PREX1: variants seen among roughly 807,000 people sequenced by gnomAD.
The protein encoded by PREX1 is phosphatidylinositol-3,4,5-trisphosphate dependent Rac exchange factor 1, also known as phosphatidylinositol 3,4,5-trisphosphate-dependent Rac exchanger 1 protein.
Under a neutral mutation model 198.3 loss-of-function variants are expected in PREX1, and 41 were observed. The ratio of observed to expected loss-of-function variants is 0.21; its 90% CI spans 0.16 to 0.27. The LOEUF (loss-of-function observed/expected upper bound fraction) is 0.27. PREX1 is among the 10% of genes least tolerant of loss of function. The pLI, the probability that PREX1 is intolerant of heterozygous loss-of-function variation, is 1.00. For missense variants in PREX1, 1,620 were observed against 2,200.7 expected, an observed-to-expected ratio of 0.74 and a Z score of 5.28; for synonymous variants, 843 against 887.2, an observed-to-expected ratio of 0.95 and a Z score of 0.89.
At chr20:48,767,179 G>A (rs574911363) in intron 1 of PREX1, among the ~76,000 whole-genome samples, 26 of 152,318 alleles carry the variant, frequency 1.7e-4, no homozygotes, top group African/African-American at 5.8e-4. Flanking sequence ...CTGGGGCTAT[G>A]AGGTCAGGCC....
chr20:48,649,178 C>G (rs1433489780), intron 25 of PREX1, 122 bp downstream of exon 25: 6 of 1,353,500 alleles, frequency 4.4e-6, no homozygotes, highest in African/African-American at 1.5e-5. Context: ...TGCTAAATAG[C>G]CTATAATGTC....
At chr20:48,702,493 C>T (rs772170421) in intron 6 of PREX1, among the ~76,000 whole-genome samples, 6 of 152,266 alleles carry the variant, frequency 3.9e-5, no homozygotes, top group Non-Finnish European at 8.8e-5. Flanking sequence ...GACTACATCT[C>T]CCAGCCCCCC....
chr20:48,651,608 T>C, intron 21 of PREX1, 25 bp from the exon 22 acceptor site: 1 of 1,602,664 alleles, frequency 6.2e-7, no homozygotes, highest in Non-Finnish European at 8.5e-7. Context: ...AGGTGACATC[T>C]GAGCAGAGAT....
At chr20:48,642,131 A>G (rs1357652198) in intron 29 of PREX1, 37 bp downstream of exon 29, 3 of 1,596,528 alleles carry the variant, frequency 1.9e-6, no homozygotes, top group Admixed American at 1.7e-5. Context: ...ACCCTTCCCC[A>G]TCGCAGGCTG....
intron 27 of PREX1, 46 bp from the exon 28 acceptor site, chr20:48,642,535 C>T (rs746598379): frequency 2.7e-6 from 4 of 1,503,898 alleles, no homozygotes; most frequent in East Asian, 2.3e-5. Context: ...CCTGCCCCAC[C>T]TCACACCATC....
chr20:48,820,970 C>G (rs914232754), intron 1 of PREX1, among the ~76,000 whole-genome samples: 1 of 152,090 alleles, frequency 6.6e-6, no homozygotes, highest in Non-Finnish European at 1.5e-5. Context: ...GAGGCCAAGG[C>G]GGGCAGAACA....
At position 48,794,616 on chromosome 20, in the gene PREX1, G is replaced by A. The variant is rs568623499; in HGVS notation, c.219+33026C>T. Among the ~76,000 whole-genome samples the A allele has an allele frequency of 3.3e-5, 5 of 152,304 alleles. No individual in the cohort carries two copies. In the East Asian group the frequency reaches 5.8e-4, roughly 18 times the overall value. On this transcript the variant is annotated intron_variant, in intron 1 of 39. Transcript: ENST00000371941. ...GGCAGCCTCTGCAGAGGAGGAGGCC[G>A]GCTGGTCAGGCTGGGGGCTGGGCCG...
At chr20:48,775,504 A>G (rs1306814255) in intron 1 of PREX1, among the ~76,000 whole-genome samples, 1 of 152,212 alleles carries the variant, frequency 6.6e-6, no homozygotes, top group South Asian at 2.1e-4. Flanking sequence ...GGAGACCACA[A>G]TGGCTGGAGC....
chr20:48,653,139 G>A (rs781287621), intron 20 of PREX1, among the ~76,000 whole-genome samples: 4 of 152,184 alleles, frequency 2.6e-5, no homozygotes, highest in Non-Finnish European at 5.9e-5. Flanking sequence ...TTTCACAGCT[G>A]TGAAAACCGA....
chr20:48,639,127 G>T (rs934274176), intron 30 of PREX1, among the ~76,000 whole-genome samples: 1 of 152,228 alleles, frequency 6.6e-6, no homozygotes, highest in Non-Finnish European at 1.5e-5. Flanking sequence ...TAAGATGCGT[G>T]GAGCAGACGC....
At chr20:48,837,715 G>A in the PREX1 span, among the ~76,000 whole-genome samples, 1 of 152,072 alleles carries the variant, frequency 6.6e-6, no homozygotes, top group Non-Finnish European at 1.5e-5. Context: ...ATAACTATTT[G>A]GTACTAGGCT....
At chr20:48,703,153 G>A (rs372544599) in intron 6 of PREX1, among the ~76,000 whole-genome samples, 24 of 152,318 alleles carry the variant, frequency 1.6e-4, no homozygotes, top group South Asian at 1.0e-3. Flanking sequence ...GTCTGCTAAC[G>A]GCCTACAAGG....
At chr20:48,860,667 C>T in the PREX1 span, among the ~76,000 whole-genome samples, 19 of 151,756 alleles carry the variant, frequency 1.3e-4, 1 homozygote, top group Admixed American at 1.2e-3. Context: ...GGTGAAACCC[C>T]GTCTCTAATA....
intron 32 of PREX1, among the ~76,000 whole-genome samples, chr20:48,635,326 G>T (rs2089353915): frequency 1.3e-5 from 2 of 152,146 alleles, no homozygotes; most frequent in Admixed American, 6.5e-5. Context: ...CTCTTGTCAA[G>T]ATGACACCAG....
At chr20:48,860,387 T>C in the PREX1 span, among the ~76,000 whole-genome samples, 2 of 151,678 alleles carry the variant, frequency 1.3e-5, no homozygotes, top group Non-Finnish European at 2.9e-5. Context: ...GAATGGGGAG[T>C]TGTTTAATGG....
At position 48,627,579 on chromosome 20, in the gene PREX1, C is replaced by T; in HGVS notation, c.4906G>A (p.Val1636Ile). 1 of 1,613,850 alleles carries T rather than the reference C, an allele frequency of 6.2e-7. No homozygotes were observed. The highest frequency in any genetic ancestry group is 2.2e-5 in the East Asian group (1 of 44,826). The change falls in exon 39 of 40, where the codon GTC (valine) becomes ATC (isoleucine). Residue 1636 changes from valine (V) to isoleucine (I), a missense_variant. Physicochemically the swap from Val to Ile is conservative, Grantham distance 29. Transcript: ENST00000371941. The stretch of plus-strand genomic sequence containing the variant: ...GCACCCTGGGGCATCTGGTCCTTGA[C>T]TCGCAGGTTTTTGGCCAGAATCTCC... ...RVEILAKNLR[V>I]KDQMPQGAPR...
intron 1 of PREX1, among the ~76,000 whole-genome samples, chr20:48,808,383 T>C (rs1248761109): frequency 1.3e-5 from 2 of 151,846 alleles, no homozygotes; most frequent in African/African-American, 2.4e-5. Flanking sequence ...GATGAGAAAA[T>C]AGAGCTCCAA....
At chr20:48,815,412 T>C (rs2090454763) in intron 1 of PREX1, among the ~76,000 whole-genome samples, 1 of 152,200 alleles carries the variant, frequency 6.6e-6, no homozygotes, top group African/African-American at 2.4e-5. Flanking sequence ...TTTCAAAGGA[T>C]TGAAAACCCA....
chr20:48,709,028 C>T (rs760349276), intron 5 of PREX1, among the ~76,000 whole-genome samples: 2 of 152,144 alleles, frequency 1.3e-5, no homozygotes, highest in Non-Finnish European at 2.9e-5. Flanking sequence ...CTGCCCCCAC[C>T]GTTTCCCACT....
Sources: gnomAD v4.1 joint callset for allele counts (sites outside exome capture counted in the v4.1 genomes callset) on GRCh38, gnomAD v4.1.1 for gene constraint, MANE v1.5 for transcripts, NCBI Gene and HGNC (gene_info 2026-07-23, HGNC 2026-07-21) for gene names.